Variants in SYNE1 observed in about 807,000 individuals in gnomAD.
The protein encoded by SYNE1 is spectrin repeat containing nuclear envelope protein 1, also known as nesprin-1.
Under a neutral mutation model 1,111.0 loss-of-function variants are expected in SYNE1, and 616 were observed. The observed-to-expected ratio is 0.55, with a 90% confidence interval of 0.52 to 0.59. The LOEUF (loss-of-function observed/expected upper bound fraction) is 0.59, where lower values mean the gene tolerates loss of function less well. Ranked by LOEUF, SYNE1 falls within the 20% of genes least tolerant of loss-of-function variation. The pLI is 0.00. For missense variants in SYNE1, 10,006 were observed against 10,417.0 expected, an observed-to-expected ratio of 0.96 and a Z score of 1.72; for synonymous variants, 3,855 against 3,825.8, an observed-to-expected ratio of 1.01 and a Z score of -0.28.
At chr6:152,153,900 T>C (rs2060886171) in intron 133 of SYNE1, among the ~76,000 whole-genome samples, 1 of 152,280 alleles carries the variant, frequency 6.6e-6, no homozygotes, top group East Asian at 1.9e-4. Flanking sequence ...TCCATAAGAA[T>C]AAAAAAGCGA....
At position 152,233,833 on chromosome 6, in the gene SYNE1, T is replaced by C. The variant is rs150163670; in HGVS notation, c.20660A>G (p.Gln6887Arg). The C allele has an allele frequency of 4.6e-5, 74 of 1,614,110 alleles. No individual in the cohort carries two copies. The highest frequency in any genetic ancestry group is 6.3e-5 in the Non-Finnish European group (74 of 1,180,052). ...GATATTGGTTAGCAGGTCAGTCCAC[T>C]GGCTATCAATGCGCGACAGCTCAGA... ...LRSELSRIDSQWTDLLTNIPA... is the reference protein window; with the variant it reads ...LRSELSRIDSRWTDLLTNIPA... The change falls in exon 112 of 146, where the codon CAG (glutamine) becomes CGG (arginine). Residue 6887 changes from glutamine (Q) to arginine (R), a missense_variant. Physicochemically the swap from Gln to Arg is conservative, Grantham distance 43 (BLOSUM62 1). Around this residue, in one of 7 missense-constraint regions of SYNE1, gnomAD observed 2,182 missense variants for 2,287.8 expected, o/e 0.95. Coordinates refer to ENST00000367255, the MANE Select transcript of SYNE1 (RefSeq NM_182961.4).
chr6:152,379,614 A>G (rs967381906), intron 56 of SYNE1, among the ~76,000 whole-genome samples: 4 of 152,166 alleles, frequency 2.6e-5, no homozygotes, highest in Admixed American at 1.3e-4. Context: ...ATAAAATGCC[A>G]TTATTAGAAA....
chr6:152,489,239 C>T (rs1232573052), intron 11 of SYNE1, among the ~76,000 whole-genome samples: 1 of 152,056 alleles, frequency 6.6e-6, no homozygotes, highest in Admixed American at 6.6e-5. Context: ...CATAAGAATG[C>T]CAAGTATTCA....
At chr6:152,273,539 G>A (rs1298013340) in intron 98 of SYNE1, among the ~76,000 whole-genome samples, 2 of 152,072 alleles carry the variant, frequency 1.3e-5, no homozygotes, top group Admixed American at 1.3e-4. Context: ...TCTTGCCCCA[G>A]GTCACCTCGT....
chr6:152,374,770 T>G (rs1376834012), intron 58 of SYNE1, among the ~76,000 whole-genome samples: 1 of 123,580 alleles, frequency 8.1e-6, no homozygotes, highest in East Asian at 2.4e-4. Flanking sequence ...TAAACACTTT[T>G]CTCAAAAATA....
rs368039950 is a variant in SYNE1 at position 152,520,409 on chromosome 6, G to A, written c.309+50C>T. ...ATAGGAGCCAATACTGAAAACATAA[G>A]TATGCCCACACCTTCTTCCTTGGGC... On this transcript the variant is annotated intron_variant, in intron 6 of 145. Coordinates refer to ENST00000367255, the MANE Select transcript of SYNE1 (RefSeq NM_182961.4). 32 of 1,573,004 alleles carry A rather than the reference G, an allele frequency of 2.0e-5. No individual in the cohort carries two copies. The East Asian group carries it at 6.3e-4, about 31-fold the overall frequency.
intron 3 of SYNE1, among the ~76,000 whole-genome samples, chr6:152,541,481 G>A (rs1157342616): frequency 6.6e-6 from 1 of 152,140 alleles, no homozygotes; most frequent in Non-Finnish European, 1.5e-5. Flanking sequence ...AGGCGTGGCG[G>A]CTCATGCCTG....
chr6:152,367,417 T>A, intron 61 of SYNE1, 35 bp from the exon 62 acceptor site: 1 of 1,610,928 alleles, frequency 6.2e-7, no homozygotes, highest in South Asian at 1.1e-5. Flanking sequence ...GAGCTGTCCA[T>A]CCCACAGAGA....
chr6:152,201,480 T>C (rs1417178710), intron 127 of SYNE1, among the ~76,000 whole-genome samples: 1 of 152,070 alleles, frequency 6.6e-6, no homozygotes, highest in Non-Finnish European at 1.5e-5. Flanking sequence ...ATCCTTTTTT[T>C]TTTTTTTCCT....
At chr6:152,270,234 T>C (rs935427320) in intron 98 of SYNE1, among the ~76,000 whole-genome samples, 1 of 152,228 alleles carries the variant, frequency 6.6e-6, no homozygotes, top group African/African-American at 2.4e-5. Flanking sequence ...TGAAAACTCT[T>C]TAAGAGTCTT....
chr6:152,489,534 G>A (rs552389359), intron 11 of SYNE1, among the ~76,000 whole-genome samples: 2 of 145,420 alleles, frequency 1.4e-5, no homozygotes, highest in South Asian at 2.2e-4. Context: ...AAATCATCAC[G>A]GACCCTTTCA....
chr6:152,403,201 C>T (rs969365063), intron 46 of SYNE1, among the ~76,000 whole-genome samples: 3 of 152,154 alleles, frequency 2.0e-5, no homozygotes, highest in African/African-American at 7.2e-5. Flanking sequence ...GCCAGTGGGG[C>T]TGCCAGCCAA....
At chr6:152,340,030 T>C (rs1234632323) in intron 74 of SYNE1, among the ~76,000 whole-genome samples, 1 of 152,186 alleles carries the variant, frequency 6.6e-6, no homozygotes, top group Non-Finnish European at 1.5e-5. Flanking sequence ...AGGAGATAAA[T>C]AATATATAAA....
intron 113 of SYNE1, among the ~76,000 whole-genome samples, chr6:152,231,808 A>G (rs1293892660): frequency 3.7e-5 from 5 of 134,678 alleles, no homozygotes; most frequent in South Asian, 4.5e-4. Flanking sequence ...GTGTGTATAT[A>G]TATATTTAGG....
At chr6:152,406,160 T>C (rs951383727) in intron 45 of SYNE1, among the ~76,000 whole-genome samples, 1 of 152,172 alleles carries the variant, frequency 6.6e-6, no homozygotes, top group Admixed American at 6.5e-5. Context: ...AGGTTTAAAG[T>C]GAATTGGTGA....
Position 152,458,942 on chromosome 6 carries a change from TAA to T in SYNE1, c.2395-14_2395-13del. 6.2e-7 allele frequency: 1 copy of T among 1,613,662 alleles called. No individual in the cohort carries two copies. Among genetic ancestry groups the T allele is most frequent in the Non-Finnish European group, 8.5e-7 (1 of 1,179,722 alleles). On this transcript the variant is annotated splice_polypyrimidine_tract_variant and intron_variant, in intron 21 of 145. Transcript: ENST00000367255. ...TAACATTCTTTGACCTTTAAAAACA[TAA>T]AGACAAAAATTCCATGAAAGACCAT...
In SYNE1 at chr6:152,373,223, T is replaced by A; in HGVS notation, c.9325-4A>T. On this transcript the variant is annotated splice_polypyrimidine_tract_variant and splice_region_variant and intron_variant, in intron 58 of 145. Transcript: ENST00000367255. ...TTTCACTTTCTGACAAAAACTCCTA[T>A]AAAAGAAAATATAGAATTAGCCATA... 6.2e-7 allele frequency: 1 copy of A among 1,607,882 alleles called. No homozygotes were observed. Among genetic ancestry groups the A allele is most frequent in the Non-Finnish European group, 8.5e-7 (1 of 1,178,308 alleles).
chr6:152,444,657 G>A lies in SYNE1; in HGVS notation c.3670-79C>T, dbSNP rs1384899962. The A allele has an allele frequency of 2.3e-6, 3 of 1,317,238 alleles. No individual in the cohort carries two copies. The East Asian group carries it at 7.3e-5, about 32-fold the overall frequency. 81.6% of individuals were successfully genotyped at this position (1,317,238 alleles called of 1,614,324 possible). A position where few individuals can be genotyped will look rare whatever the true frequency, so the allele number is the denominator to read the frequency against. On this transcript the variant is annotated intron_variant, in intron 29 of 145. Transcript: ENST00000367255. Reference sequence around the variant, plus strand: ...TTGTATAATTTTTTTGGTAAGGTATGATTGACAAATAAACATTGTACATAT... The same window carrying A: ...TTGTATAATTTTTTTGGTAAGGTATAATTGACAAATAAACATTGTACATAT...
In SYNE1 at chr6:152,471,661, A is replaced by G. The variant is rs2098806394; in HGVS notation, c.1568T>C (p.Leu523Pro). The change falls in exon 16 of 146, where the codon CTG becomes CCG. Residue 523 changes from leucine (L) to proline (P), a missense_variant. Coordinates refer to ENST00000367255, the MANE Select transcript of SYNE1 (RefSeq NM_182961.4). ...LSLLVLAESK[L>P]KSWIIKYGRR... ...CCCGTACTTAATGATCCAAGACTTCAGCTTTGACTCTGCAAGAACCAGCAG... is the reference window on the plus strand; with the variant it reads ...CCCGTACTTAATGATCCAAGACTTCGGCTTTGACTCTGCAAGAACCAGCAG... 6.2e-7 allele frequency: 1 copy of G among 1,613,918 alleles called. No homozygotes were observed. Among genetic ancestry groups the G allele is most frequent in the African/African-American group, 1.3e-5 (1 of 74,922 alleles).
Sources: allele counts gnomAD v4.1 joint callset (sites outside exome capture counted in the v4.1 genomes callset), GRCh38; gene constraint gnomAD v4.1.1; regional missense constraint gnomAD v4.1.1; transcripts MANE v1.5; gene names NCBI Gene and HGNC (gene_info 2026-07-23, HGNC 2026-07-21).